STPG2: variants seen among roughly 807,000 people sequenced by gnomAD.
The protein encoded by STPG2 is sperm-tail PG-rich repeat-containing protein 2.
STPG2 carries 56 observed loss-of-function variants against 54.2 expected under a neutral mutation model. The observed-to-expected ratio is 1.03, with a 90% CI of 0.83 to 1.29. The LOEUF (loss-of-function observed/expected upper bound fraction) is 1.29, where lower values mean the gene tolerates loss of function less well. Ranked by LOEUF, STPG2 falls within the 50% of genes most tolerant of loss-of-function variation. The pLI is 0.00. For synonymous variants in STPG2, 200 were observed against 181.8 expected (o/e 1.10, Z -0.81); for missense variants, 596 against 544.9 (o/e 1.09, Z -0.93).
rs552287512 is a variant in STPG2 at position 97,701,311 on chromosome 4, A to G, written c.1320+11388T>C. ...ACCCACTGGACCCACTGTAAGTCAG[A>G]CCTGAGCTAAAACCCCTTTAATTAT... On this transcript the variant is annotated intron_variant, in intron 10 of 10. Transcript: ENST00000295268. Among the ~76,000 whole-genome samples the G allele has an allele frequency of 2.6e-5, 4 of 152,230 alleles. No individual in the cohort carries two copies. In the South Asian group the frequency reaches 8.3e-4, roughly 32 times the overall value.
intron 4 of STPG2, among the ~76,000 whole-genome samples, chr4:97,545,086 C>G (rs1353806390): frequency 6.6e-6 from 1 of 152,046 alleles, no homozygotes; most frequent in Non-Finnish European, 1.5e-5. Flanking sequence ...GTCTGTATAT[C>G]TAAAAAACAC....
chr4:97,468,661 A>T (rs376642336), intron 4 of STPG2, among the ~76,000 whole-genome samples: 1 of 152,126 alleles, frequency 6.6e-6, no homozygotes, highest in East Asian at 1.9e-4. Context: ...TTGTAAATAG[A>T]ATCCCTAGAC....
At chr4:97,903,635 C>T (rs1199959413) in intron 8 of STPG2, among the ~76,000 whole-genome samples, 2 of 152,148 alleles carry the variant, frequency 1.3e-5, no homozygotes, top group African/African-American at 2.4e-5. Context: ...GCAACAGCTC[C>T]CAGCGTGAGC....
chr4:97,981,766 C>T (rs1317353821), intron 5 of STPG2, among the ~76,000 whole-genome samples: 1 of 149,760 alleles, frequency 6.7e-6, no homozygotes, highest in Non-Finnish European at 1.5e-5. Flanking sequence ...CAAAAAAAAT[C>T]TTAGATTCAG....
intron 8 of STPG2, among the ~76,000 whole-genome samples, chr4:97,912,033 G>C (rs1162924381): frequency 2.0e-5 from 3 of 152,130 alleles, no homozygotes; most frequent in Non-Finnish European, 4.4e-5. Context: ...ATACCGTCAG[G>C]TGTGGGAGGG....
chr4:97,805,532 T>C (rs1403168603), intron 9 of STPG2, among the ~76,000 whole-genome samples: 1 of 152,186 alleles, frequency 6.6e-6, no homozygotes, highest in Non-Finnish European at 1.5e-5. Context: ...ATTTAAAAGA[T>C]GCCTCATATG....
chr4:97,820,376 G>A (rs1728046874), intron 9 of STPG2, among the ~76,000 whole-genome samples: 1 of 151,138 alleles, frequency 6.6e-6, no homozygotes, highest in Admixed American at 6.6e-5. Flanking sequence ...GTGTTCAAGT[G>A]AAAGGAAGAG....
At chr4:97,671,040 G>A (rs565254868) in intron 10 of STPG2, among the ~76,000 whole-genome samples, 35 of 152,242 alleles carry the variant, frequency 2.3e-4, no homozygotes, top group South Asian at 2.3e-3. Context: ...GAATGTGATC[G>A]TGAGAATGTG....
At chr4:97,851,894 T>C (rs1729170009) in intron 8 of STPG2, among the ~76,000 whole-genome samples, 1 of 152,210 alleles carries the variant, frequency 6.6e-6, no homozygotes, top group Admixed American at 6.5e-5. Flanking sequence ...CTGTATAACC[T>C]TTCTCTTCCA....
At chr4:97,768,271 G>T (rs894493416) in intron 9 of STPG2, among the ~76,000 whole-genome samples, 2 of 152,114 alleles carry the variant, frequency 1.3e-5, no homozygotes, top group African/African-American at 4.8e-5. Flanking sequence ...CTTAAAATGG[G>T]TGGATATTGT....
rs971099805 is a variant in STPG2 at position 97,842,863 on chromosome 4, A to G, written c.1045-1931T>C. On this transcript the variant is annotated intron_variant, in intron 8 of 10. Transcript: ENST00000295268. ...TCTGAAACTTATTCCCTTCTTGTCTACTTTACTGATGTTCCCTCCTCTTCC... is the reference window on the plus strand; with the variant it reads ...TCTGAAACTTATTCCCTTCTTGTCTGCTTTACTGATGTTCCCTCCTCTTCC... Among the ~76,000 whole-genome samples the G allele has an allele frequency of 2.0e-5, 3 of 151,860 alleles. No individual in the cohort carries two copies. In the Admixed American group the frequency reaches 2.0e-4, roughly 10 times the overall value.
At chr4:97,597,131 C>T (rs1733316922) in intron 10 of STPG2, among the ~76,000 whole-genome samples, 1 of 152,054 alleles carries the variant, frequency 6.6e-6, no homozygotes, top group Non-Finnish European at 1.5e-5. Context: ...CTACGAACAC[C>T]TCTATGCACA....
intron 2 of STPG2, among the ~76,000 whole-genome samples, chr4:98,130,726 T>C (rs1049740941): frequency 1.3e-5 from 2 of 151,512 alleles, no homozygotes; most frequent in Non-Finnish European, 2.9e-5. Context: ...ATCGAGACCA[T>C]CCTGGCTAAC....
At chr4:97,609,904 A>G (rs944334628) in intron 10 of STPG2, among the ~76,000 whole-genome samples, 2 of 151,998 alleles carry the variant, frequency 1.3e-5, no homozygotes, top group African/African-American at 4.8e-5. Context: ...TTGATTTATC[A>G]TCAGTAAAAA....
chr4:98,132,237 T>C (rs1333113900), intron 2 of STPG2, among the ~76,000 whole-genome samples: 19 of 152,040 alleles, frequency 1.2e-4, no homozygotes, highest in Non-Finnish European at 1.5e-5. Flanking sequence ...AAAGTGACTA[T>C]AGATTTGCTA....
intron 8 of STPG2, among the ~76,000 whole-genome samples, chr4:97,860,369 T>C (rs182201116): frequency 3.6e-4 from 55 of 152,252 alleles, no homozygotes; most frequent in African/African-American, 1.3e-3. Flanking sequence ...GCATGGAATA[T>C]GTTTCCTTTT....
chr4:97,699,478 C>A (rs1723695416), intron 10 of STPG2, among the ~76,000 whole-genome samples: 1 of 152,208 alleles, frequency 6.6e-6, no homozygotes, highest in South Asian at 2.1e-4. Context: ...ATTTCTTTAT[C>A]ACCAATTTTC....
At chr4:98,100,662 CTTTT>C (rs1166820709) in intron 5 of STPG2, among the ~76,000 whole-genome samples, 1,168 of 116,594 alleles carry the variant, frequency 0.01, 4 homozygotes, top group South Asian at 0.023. Context: ...CTTTTTCTTT[CTTTT>C]TTTTTTTTTT....
intron 8 of STPG2, among the ~76,000 whole-genome samples, chr4:97,883,112 G>A (rs1024429602): frequency 5.3e-5 from 8 of 151,658 alleles, no homozygotes; most frequent in African/African-American, 1.9e-4. Flanking sequence ...GAGCCCAGGA[G>A]TTTGAGACTA....
Sources: allele counts gnomAD v4.1 joint callset (sites outside exome capture counted in the v4.1 genomes callset), GRCh38; gene constraint gnomAD v4.1.1; transcripts MANE v1.5; gene names NCBI Gene and HGNC (gene_info 2026-07-23, HGNC 2026-07-21).